Variants in EXTL3 observed in about 807,000 individuals in gnomAD.
The protein encoded by EXTL3 is exostosin like glycosyltransferase 3.
EXTL3 carries 27 observed loss-of-function variants against 69.3 expected under a neutral mutation model. That is an observed-to-expected ratio of 0.39 (90% CI 0.29 to 0.54). The LOEUF is 0.54. Among genes scored for constraint, EXTL3 ranks in the 20% least tolerant of loss-of-function variants. The pLI, the probability that EXTL3 is intolerant of heterozygous loss-of-function variation, is 0.69. For missense variants in EXTL3, 1,003 were observed against 1,231.8 expected, an observed-to-expected ratio of 0.81 and a Z score of 2.78; for synonymous variants, 511 against 499.4, an observed-to-expected ratio of 1.02 and a Z score of -0.31.
chr8:28,612,493 G>T (rs993613742), intron 2 of EXTL3, among the ~76,000 whole-genome samples: 15 of 150,768 alleles, frequency 9.9e-5, no homozygotes, highest in South Asian at 4.2e-4. Context: ...AAGAAAAAAA[G>T]AAAAATAAAA....
intron 1 of EXTL3, among the ~76,000 whole-genome samples, chr8:28,634,935 A>C (rs1436898750): frequency 6.6e-6 from 1 of 151,238 alleles, no homozygotes; most frequent in Non-Finnish European, 1.5e-5. Context: ...CTATCCTACC[A>C]CCTGTCACTC....
chr8:28,701,712 G>A (rs1800800907), intron 1 of EXTL3, 53 bp downstream of exon 1: 2 of 153,356 alleles, frequency 1.3e-5, no homozygotes, highest in Non-Finnish European at 2.9e-5. Context: ...CGCCCGGAAG[G>A]GCTCATGGGA....
At chr8:28,731,680 G>C (rs1007114920) in intron 4 of EXTL3, among the ~76,000 whole-genome samples, 2 of 152,184 alleles carry the variant, frequency 1.3e-5, no homozygotes, top group African/African-American at 4.8e-5. Flanking sequence ...AGAGAGTAGA[G>C]GCAACGGGTA....
upstream of EXTL3, chr8:28,697,044 A>C (rs897385235): frequency 2.0e-5 from 3 of 152,034 alleles, no homozygotes. Context: ...ATTGATGGTC[A>C]CTCATGAGTA....
intron 4 of EXTL3, among the ~76,000 whole-genome samples, chr8:28,732,683 G>C (rs1411749711): frequency 6.6e-6 from 1 of 152,090 alleles, no homozygotes. Flanking sequence ...TTCTTTCACG[G>C]AACATGATGT....
At chr8:28,725,593 T>G (rs1488089765) in intron 3 of EXTL3, among the ~76,000 whole-genome samples, 1 of 152,228 alleles carries the variant, frequency 6.6e-6, no homozygotes, top group African/African-American at 2.4e-5. Flanking sequence ...ATTCATTCAT[T>G]TATAAAACAT....
upstream of EXTL3, among the ~76,000 whole-genome samples, chr8:28,699,154 G>A (rs144841690): frequency 6.6e-6 from 1 of 152,262 alleles, no homozygotes; most frequent in African/African-American, 2.4e-5. Context: ...TCCAGTGTGG[G>A]CGACAGAGCA....
intron 1 of EXTL3, among the ~76,000 whole-genome samples, chr8:28,671,302 GTTTTTTGTTTT>G (rs1807287061): frequency 2.0e-5 from 2 of 100,940 alleles, no homozygotes; most frequent in South Asian, 6.8e-4. Context: ...TTTATGTTTT[GTTTTTTGTTTT>G]TTTTTTTTTT....
intron 1 of EXTL3, among the ~76,000 whole-genome samples, chr8:28,686,571 G>A (rs1807581146): frequency 6.6e-6 from 1 of 152,144 alleles, no homozygotes; most frequent in Non-Finnish European, 1.5e-5. Context: ...GACCAGAAAG[G>A]CAGCTGGAAC....
chr8:28,677,424 C>T (rs1224060556), intron 1 of EXTL3, among the ~76,000 whole-genome samples: 2 of 152,104 alleles, frequency 1.3e-5, no homozygotes, highest in African/African-American at 4.8e-5. Context: ...GTACAGAGAC[C>T]TAAAGGGATG....
intron 3 of EXTL3, among the ~76,000 whole-genome samples, chr8:28,729,221 G>T (rs1212152820): frequency 6.9e-6 from 1 of 144,316 alleles, no homozygotes; most frequent in East Asian, 2.0e-4. Context: ...CTTGAGCCTG[G>T]CAGGTGGAAG....
At chr8:28,705,194 G>A (rs1023370320) in intron 1 of EXTL3, among the ~76,000 whole-genome samples, 1 of 152,166 alleles carries the variant, frequency 6.6e-6, no homozygotes, top group African/African-American at 2.4e-5. Context: ...GTGCTTCCTG[G>A]GAGCAAGGCA....
In EXTL3 at chr8:28,716,931, T is replaced by C; in HGVS notation, c.872T>C (p.Val291Ala). The change falls in exon 3 of 7, where the codon GTC becomes GCC. Residue 291 changes from valine (V) to alanine (A), a missense_variant. By Grantham distance (64) the Val-to-Ala change is moderately conservative. Coordinates refer to ENST00000220562, the MANE Select transcript of EXTL3 (RefSeq NM_001440.4). This position sits in a 1 kb window ranked among gnomAD's most constrained non-coding sequence, Gnocchi z 7.1. ...KSDTQNLLYN[V>A]STGRAMVAQS... Reference sequence around the variant, plus strand: ...GATACACAGAACCTTCTCTATAACGTCAGTACTGGCCGTGCCATGGTGGCC... The same window carrying C: ...GATACACAGAACCTTCTCTATAACGCCAGTACTGGCCGTGCCATGGTGGCC... 1 of 1,614,164 alleles carries C rather than the reference T, an allele frequency of 6.2e-7. No homozygotes were observed. Among genetic ancestry groups the C allele is most frequent in the Non-Finnish European group, 8.5e-7 (1 of 1,180,024 alleles).
At chr8:28,658,337 G>C (rs942917475) in intron 1 of EXTL3, among the ~76,000 whole-genome samples, 2 of 152,104 alleles carry the variant, frequency 1.3e-5, no homozygotes, top group Non-Finnish European at 2.9e-5. Context: ...TCTCCCTCCT[G>C]CTCAGCCCCA....
rs139615344 is a variant in EXTL3 at position 28,722,099 on chromosome 8, G to A, written c.2148+3892G>A. Among the ~76,000 whole-genome samples the A allele has an allele frequency of 3.4e-3, 524 of 152,324 alleles. 1 individual carries two copies. Among genetic ancestry groups the A allele is most frequent in the Non-Finnish European group, 5.4e-3 (370 of 68,026 alleles). ...TTGAGCAGAAGCCTGAATGAAGCGAGAGAGGAGGCCATGTAAATTCTGGAG... is the reference window on the plus strand; with the variant it reads ...TTGAGCAGAAGCCTGAATGAAGCGAAAGAGGAGGCCATGTAAATTCTGGAG... On this transcript the variant is annotated intron_variant, in intron 3 of 6. Coordinates refer to ENST00000220562, the MANE Select transcript of EXTL3 (RefSeq NM_001440.4).
At chr8:28,639,989 A>G (rs1806717710) in intron 1 of EXTL3, among the ~76,000 whole-genome samples, 1 of 152,152 alleles carries the variant, frequency 6.6e-6, no homozygotes, top group Admixed American at 6.5e-5. Flanking sequence ...AATCCCAGCT[A>G]CTTGGGAGGC....
chr8:28,650,356 CTTA>C (rs368361713), intron 1 of EXTL3, among the ~76,000 whole-genome samples: 1,694 of 150,786 alleles, frequency 0.011, 39 homozygotes, highest in African/African-American at 0.039. Context: ...ATTGTATTTA[CTTA>C]TTATTATTAT....
chr8:28,739,219 A>G (rs920060368), intron 5 of EXTL3, among the ~76,000 whole-genome samples: 7 of 152,168 alleles, frequency 4.6e-5, no homozygotes, highest in Admixed American at 3.3e-4. Context: ...AGGAAAGCTC[A>G]CCGTCTCTCC....
intron 1 of EXTL3, among the ~76,000 whole-genome samples, chr8:28,646,491 G>A (rs1052177186): frequency 1.3e-5 from 2 of 152,136 alleles, no homozygotes; most frequent in Non-Finnish European, 2.9e-5. Context: ...TGTGAAATGT[G>A]GAGAATGCCT....
Sources: gnomAD v4.1 joint callset for allele counts (sites outside exome capture counted in the v4.1 genomes callset) on GRCh38, gnomAD v4.1.1 for gene constraint, Gnocchi (gnomAD v3.1) non-coding constraint, MANE v1.5 for transcripts, NCBI Gene and HGNC (gene_info 2026-07-23, HGNC 2026-07-21) for gene names.